HM13: variants seen among roughly 807,000 people sequenced by gnomAD.
HM13 encodes the protein histocompatibility minor 13.
HM13 carries 18 observed loss-of-function variants against 50.0 expected under a neutral mutation model. That is an observed-to-expected ratio of 0.36 (90% CI 0.25 to 0.53). HM13 has a LOEUF of 0.53. Among genes scored for constraint, HM13 ranks in the 20% least tolerant of loss-of-function variants. HM13 has a pLI of 0.90. For missense variants in HM13, 393 were observed against 552.4 expected (o/e 0.71, Z 2.89); for synonymous variants, 197 against 232.6 (o/e 0.85, Z 1.39).
At chr20:31,533,715 C>T (rs1321250552) in intron 2 of HM13, among the ~76,000 whole-genome samples, 1 of 152,144 alleles carries the variant, frequency 6.6e-6, no homozygotes, top group Non-Finnish European at 1.5e-5. Context: ...CACCCTGAGC[C>T]CCAAAGAAGG....
chr20:31,545,093 C>T (rs1983637811), intron 4 of HM13, 58 bp downstream of exon 4: 1 of 1,327,702 alleles, frequency 7.5e-7, no homozygotes, highest in African/African-American at 1.4e-5. Flanking sequence ...CCACCATTCC[C>T]TTTGTCTCTC....
Position 31,569,408 on chromosome 20 carries a change from C to T in HM13, c.*189C>T. 2.2e-6 allele frequency: 1 copy of T among 462,538 alleles called. No individual in the cohort carries two copies. Among genetic ancestry groups the T allele is most frequent in the Non-Finnish European group, 4.0e-6 (1 of 251,982 alleles). 28.7% of individuals were successfully genotyped at this position (462,538 alleles called of 1,614,324 possible). ...TCCCTTTCTTGGCCCTCCTCTGCTC[C>T]TCCCCACACCCTGCAGGCAAAAGAA... is the stretch of plus-strand genomic sequence containing the variant. On this transcript the variant is annotated 3_prime_UTR_variant, in exon 13 of 13. Coordinates refer to ENST00000398174, the MANE Select transcript of HM13 (RefSeq NM_178581.3).
intron 12 of HM13, 85 bp from the exon 13 acceptor site, chr20:31,569,034 TG>T: frequency 3.3e-6 from 3 of 903,592 alleles, no homozygotes; most frequent in South Asian, 1.6e-5. Flanking sequence ...TTTCCTAGGA[TG>T]GGGGTGGGGG....
chr20:31,517,210 A>G (rs1333462939), intron 1 of HM13, among the ~76,000 whole-genome samples: 1 of 152,174 alleles, frequency 6.6e-6, no homozygotes, highest in Non-Finnish European at 1.5e-5. Flanking sequence ...ATGTGAGGAC[A>G]GAATCCCCAA....
At chr20:31,538,835 G>A (rs1983269621) in intron 3 of HM13, 1 of 226,878 alleles carries the variant, frequency 4.4e-6, no homozygotes, top group Non-Finnish European at 7.4e-6. Flanking sequence ...CATGTGGAAA[G>A]CTTTTAGCAC....
chr20:31,567,142 C>G (rs1226439831), intron 11 of HM13, among the ~76,000 whole-genome samples: 4 of 152,324 alleles, frequency 2.6e-5, no homozygotes, highest in Admixed American at 1.3e-4. Flanking sequence ...CCCCCGCCTG[C>G]CTGCCCACAT....
In HM13 at chr20:31,566,950, C is replaced by T. The variant is rs185920548; in HGVS notation, c.1034+655C>T. Among the ~76,000 whole-genome samples the T allele has an allele frequency of 2.1e-4, 32 of 152,230 alleles. No homozygotes were observed. The East Asian group carries it at 5.4e-3, about 26-fold the overall frequency. On this transcript the variant is annotated intron_variant, in intron 11 of 12. Transcript: ENST00000398174. ...CTGCCAGGGACCTAGAAATAGCTGTCAGTTGCGATTAAAGCTGCCTACTCG... is the reference window on the plus strand; with the variant it reads ...CTGCCAGGGACCTAGAAATAGCTGTTAGTTGCGATTAAAGCTGCCTACTCG...
chr20:31,560,050 C>T (rs144878763), intron 9 of HM13, among the ~76,000 whole-genome samples: 3 of 152,286 alleles, frequency 2.0e-5, no homozygotes, highest in Admixed American at 2.0e-4. Context: ...TGGTTGCAGT[C>T]ATCATCATCA....
At chr20:31,549,718 A>T (rs1242879950) in intron 6 of HM13, among the ~76,000 whole-genome samples, 2 of 152,216 alleles carry the variant, frequency 1.3e-5, no homozygotes, top group African/African-American at 4.8e-5. Flanking sequence ...AGAGGGACTG[A>T]CGTCAGCCTG....
intron 7 of HM13, among the ~76,000 whole-genome samples, chr20:31,553,494 A>G (rs1984139593): frequency 6.6e-6 from 1 of 152,098 alleles, no homozygotes; most frequent in Non-Finnish European, 1.5e-5. Flanking sequence ...TCTAATCTTC[A>G]CTATCACCCT....
rs1314744468 is a variant in HM13 at position 31,569,490 on chromosome 20, G to C, written c.*271G>C. 2.9e-6 allele frequency: 1 copy of C among 347,958 alleles called. No homozygotes were observed. The highest frequency in any genetic ancestry group is 4.6e-5 in the East Asian group (1 of 21,930). The allele number at this position is 347,958 out of a possible 1,614,324, so 21.6% of individuals were successfully genotyped here. ...GTGGGAAAAGTGGGTGTGATTTTTA[G>C]ATTTTGTATTGTGGACTGATTTTGC... On this transcript the variant is annotated 3_prime_UTR_variant, in exon 13 of 13. Transcript: ENST00000398174.
intron 7 of HM13, among the ~76,000 whole-genome samples, chr20:31,550,959 CAG>C (rs1181800416): frequency 6.6e-6 from 1 of 152,096 alleles, no homozygotes; most frequent in Admixed American, 6.6e-5. Context: ...GCCTGGATGA[CAG>C]AATGAGGCCC....
chr20:31,547,529 A>C, intron 4 of HM13: 1 of 801,702 alleles, frequency 1.2e-6, no homozygotes, highest in East Asian at 2.6e-5. Flanking sequence ...GATGAAAAGG[A>C]AAGTGTGTCC....
rs1300210854 is a variant in HM13 at position 31,568,686 on chromosome 20, C to T, written c.1182-434C>T. On this transcript the variant is annotated intron_variant, in intron 12 of 12. Coordinates refer to ENST00000398174, the MANE Select transcript of HM13 (RefSeq NM_178581.3). Reference sequence around the variant, plus strand: ...GTCTGTCTTCAGAGCAGCACCTTGCCGCTTGCCAGTACAGCAGTGCCCTCA... The same window carrying T: ...GTCTGTCTTCAGAGCAGCACCTTGCTGCTTGCCAGTACAGCAGTGCCCTCA... Among the ~76,000 whole-genome samples the T allele has an allele frequency of 3.9e-5, 6 of 152,206 alleles. No homozygotes were observed. In the South Asian group the frequency reaches 8.3e-4, roughly 21 times the overall value.
intron 2 of HM13, among the ~76,000 whole-genome samples, chr20:31,537,683 C>A (rs1600638330): frequency 6.6e-6 from 1 of 152,336 alleles, no homozygotes; most frequent in East Asian, 1.9e-4. Context: ...TCAGCCATCA[C>A]TGCAGGAGGA....
intron 1 of HM13, among the ~76,000 whole-genome samples, chr20:31,523,690 A>G (rs1401797032): frequency 6.6e-6 from 1 of 152,212 alleles, no homozygotes; most frequent in Non-Finnish European, 1.5e-5. Flanking sequence ...TACTACTGCT[A>G]CACAGGAAAT....
At chr20:31,521,932 G>A (rs943122690) in intron 1 of HM13, among the ~76,000 whole-genome samples, 5 of 144,028 alleles carry the variant, frequency 3.5e-5, no homozygotes, top group Non-Finnish European at 7.5e-5. Context: ...GGGCTCAACC[G>A]ATCTGCCCAC....
intron 1 of HM13, among the ~76,000 whole-genome samples, chr20:31,523,419 C>T (rs1033194742): frequency 6.6e-6 from 1 of 152,030 alleles, no homozygotes; most frequent in African/African-American, 2.4e-5. Context: ...CACACCAGCA[C>T]GCCCAGCTAA....
At position 31,559,652 on chromosome 20, in the gene HM13, G is replaced by GT; in HGVS notation, c.845+6dup. 1 of 1,614,058 alleles carries GT rather than the reference G, an allele frequency of 6.2e-7. No individual in the cohort carries two copies. Among genetic ancestry groups the GT allele is most frequent in the Non-Finnish European group, 8.5e-7 (1 of 1,179,920 alleles). ...GCTGCTGCGCTTTGACATCAGGTGAGTGAGTGAGGGCCTGCCCCAGCATGG... is the reference window on the plus strand; with the variant it reads ...GCTGCTGCGCTTTGACATCAGGTGAGTTGAGTGAGGGCCTGCCCCAGCATGG... On this transcript the variant is annotated splice_donor_region_variant and intron_variant, in intron 9 of 12. Transcript: ENST00000398174.
Sources: gnomAD v4.1 joint callset for allele counts (sites outside exome capture counted in the v4.1 genomes callset) on GRCh38, gnomAD v4.1.1 for gene constraint, MANE v1.5 for transcripts, NCBI Gene and HGNC (gene_info 2026-07-23, HGNC 2026-07-21) for gene names.